EPHB2: variants seen among roughly 807,000 people sequenced by gnomAD.
EPHB2 encodes the protein EPH receptor B2, also known as ephrin type-B receptor 2.
A neutral mutation model predicts 96.4 loss-of-function variants in EPHB2; 18 were observed. That is an observed-to-expected ratio of 0.19 (90% confidence interval 0.13 to 0.28). EPHB2 has a LOEUF of 0.28. EPHB2 is among the 10% of genes least tolerant of loss of function. EPHB2 has a pLI of 1.00. For missense variants in EPHB2, 989 were observed against 1,355.4 expected (o/e 0.73, Z 4.25); for synonymous variants, 506 against 534.1 (o/e 0.95, Z 0.72).
rs1296823971 is a variant in EPHB2, at chr1:22,858,918, G to A, written c.812-4119G>A. On this transcript the variant is annotated intron_variant, in intron 3 of 15. Transcript: ENST00000374630. The surrounding 1 kb of genome is among the most constrained non-coding windows in gnomAD (Gnocchi z 7.7). The stretch of plus-strand genomic sequence containing the variant: ...CCACTAGAAACCCAGCATTATACTG[G>A]GAGTTTACAGTCCAGCCAGGTAGAC... Among the ~76,000 whole-genome samples the A allele has an allele frequency of 6.6e-6, 1 of 152,114 alleles. No homozygotes were observed. Among genetic ancestry groups the A allele is most frequent in the Non-Finnish European group, 1.5e-5 (1 of 68,026 alleles).
intron 3 of EPHB2, among the ~76,000 whole-genome samples, chr1:22,861,627 C>T (rs1416572300): frequency 6.6e-6 from 1 of 152,110 alleles, no homozygotes; most frequent in Non-Finnish European, 1.5e-5. Context: ...AGGAGACCCC[C>T]AGAAAAATAA....
At chr1:22,893,139 A>T (rs1406821244) in intron 7 of EPHB2, 93 bp downstream of exon 7, 5 of 1,596,708 alleles carry the variant, frequency 3.1e-6, no homozygotes, top group Non-Finnish European at 4.3e-6. Flanking sequence ...CTTTGTGCAG[A>T]TTAGAAAAGG....
intron 1 of EPHB2, among the ~76,000 whole-genome samples, chr1:22,748,642 A>T (rs1325321074): frequency 6.6e-6 from 1 of 151,668 alleles, no homozygotes; most frequent in African/African-American, 2.4e-5. Flanking sequence ...GGCCTCCCAA[A>T]GTGCTGAGAT....
rs1051246736 is a variant in EPHB2 at position 22,832,103 on chromosome 1, C to T, written c.812-30934C>T. Among the ~76,000 whole-genome samples, 58 of 152,074 alleles carry T rather than the reference C, an allele frequency of 3.8e-4. 1 individual carries two copies. Among genetic ancestry groups the T allele is most frequent in the Middle Eastern group, 3.2e-3 (1 of 316 alleles). On this transcript the variant is annotated intron_variant, in intron 3 of 15. Transcript: ENST00000374630. ...CTGTTTGAGCGGGGAATAGGGAGAG[C>T]GATGGAGAGCCAGAAAGTAGGGACA... is the stretch of plus-strand genomic sequence containing the variant.
At chr1:22,723,113 C>T (rs1570152505) in intron 1 of EPHB2, among the ~76,000 whole-genome samples, 1 of 152,242 alleles carries the variant, frequency 6.6e-6, no homozygotes. Context: ...CATATGTCCA[C>T]GGCACCAACT....
chr1:22,751,576 T>G (rs548400066), intron 1 of EPHB2, among the ~76,000 whole-genome samples: 1 of 152,328 alleles, frequency 6.6e-6, no homozygotes, highest in Non-Finnish European at 1.5e-5. Context: ...CCTTTACGCC[T>G]TTCCAGAAGC....
intron 3 of EPHB2, among the ~76,000 whole-genome samples, chr1:22,805,650 T>C (rs1413060281): frequency 6.6e-6 from 1 of 151,326 alleles, no homozygotes; most frequent in African/African-American, 2.4e-5. Context: ...AAGGAGCGGG[T>C]GGGGGTGCAA....
chr1:22,724,078 C>A (rs1377415690), intron 1 of EPHB2, among the ~76,000 whole-genome samples: 2 of 152,178 alleles, frequency 1.3e-5, no homozygotes, highest in Non-Finnish European at 2.9e-5. Context: ...GGAGAAAGAG[C>A]TGATTTCTTT....
At chr1:22,832,921 C>T (rs552830909) in intron 3 of EPHB2, among the ~76,000 whole-genome samples, 100 of 152,226 alleles carry the variant, frequency 6.6e-4, no homozygotes, top group African/African-American at 2.2e-3. Flanking sequence ...CAGCCATGCA[C>T]ATGTGGCTTA....
Position 22,807,342 on chromosome 1 carries a change from A to G in EPHB2, c.811+22266A>G, listed in dbSNP as rs1166803922. Among the ~76,000 whole-genome samples, 26 of 152,218 alleles carry G rather than the reference A, an allele frequency of 1.7e-4. 1 individual carries two copies. The highest frequency in any genetic ancestry group is 1.7e-3 in the Admixed American group (26 of 15,288). On this transcript the variant is annotated intron_variant, in intron 3 of 15. Transcript: ENST00000374630. ...AGGGCGCTTGCTAGACTCTGGCTCT[A>G]CACACCATCATTCTGAAATATCCCC...
intron 3 of EPHB2, among the ~76,000 whole-genome samples, chr1:22,850,147 G>A (rs1359159805): frequency 6.6e-6 from 1 of 152,196 alleles, no homozygotes; most frequent in Admixed American, 6.5e-5. Context: ...CCCATAGAAG[G>A]GGAAGTGCTA....
chr1:22,800,770 TGA>T (rs1491147701), intron 3 of EPHB2, among the ~76,000 whole-genome samples: 8 of 97,572 alleles, frequency 8.2e-5, no homozygotes, highest in Non-Finnish European at 1.3e-4. Flanking sequence ...CGTGTGTATG[TGA>T]CACACACACA....
At position 22,875,317 on chromosome 1, in the gene EPHB2, C is replaced by A. The variant is rs1457215530; in HGVS notation, c.1304-7042C>A. On this transcript the variant is annotated intron_variant, in intron 5 of 15. Transcript: ENST00000374630. This position sits in a 1 kb window ranked among gnomAD's most constrained non-coding sequence, Gnocchi z 4.2. Reference sequence around the variant, plus strand: ...GAGCTGGGAATTCTAAGAGTCCCGTCCCAAGTAAACTGTCCCTGCTACAGA... The same window carrying A: ...GAGCTGGGAATTCTAAGAGTCCCGTACCAAGTAAACTGTCCCTGCTACAGA... Among the ~76,000 whole-genome samples, 1 of 152,202 alleles carries A rather than the reference C, an allele frequency of 6.6e-6. No homozygotes were observed. Among genetic ancestry groups the A allele is most frequent in the East Asian group, 1.9e-4 (1 of 5,202 alleles).
At chr1:22,815,284 GGAGGCTGGGTTT>G (rs1166537277) in intron 3 of EPHB2, among the ~76,000 whole-genome samples, 2 of 152,204 alleles carry the variant, frequency 1.3e-5, no homozygotes, top group African/African-American at 4.8e-5. Flanking sequence ...GGGGGGTACA[GGAGGCTGGGTTT>G]GAGTCCCAAA....
intron 3 of EPHB2, among the ~76,000 whole-genome samples, chr1:22,855,340 G>A (rs1226486578): frequency 2.6e-5 from 4 of 152,278 alleles, no homozygotes; most frequent in African/African-American, 4.8e-5. Flanking sequence ...GCAGGAAAGC[G>A]AGCTGGCTGC....
chr1:22,851,640 GC>G (rs1645627036), intron 3 of EPHB2, among the ~76,000 whole-genome samples: 1 of 151,840 alleles, frequency 6.6e-6, no homozygotes, highest in Non-Finnish European at 1.5e-5. Flanking sequence ...AAGGAACTTA[GC>G]CCAGAAGATC....
intron 3 of EPHB2, among the ~76,000 whole-genome samples, chr1:22,834,610 A>G (rs950815825): frequency 6.6e-6 from 1 of 152,076 alleles, no homozygotes; most frequent in African/African-American, 2.4e-5. Context: ...CTGTGTGCCA[A>G]TAAAACTTTA....
intron 3 of EPHB2, among the ~76,000 whole-genome samples, chr1:22,815,059 AGGTGCTTGTGGATGCCAAGG>A (rs1337187297): frequency 6.6e-6 from 1 of 152,118 alleles, no homozygotes; most frequent in Non-Finnish European, 1.5e-5. Flanking sequence ...CTTTCCTGAG[AGGTGCTTGTGGATGCCAAGG>A]GGTGAGGGTT....
intron 3 of EPHB2, among the ~76,000 whole-genome samples, chr1:22,847,922 C>G (rs961860763): frequency 6.6e-6 from 1 of 152,140 alleles, no homozygotes; most frequent in African/African-American, 2.4e-5. Flanking sequence ...TCAAGTGGCT[C>G]CTGTTCTGGA....
Sources: allele counts gnomAD v4.1 joint callset (sites outside exome capture counted in the v4.1 genomes callset), GRCh38; gene constraint gnomAD v4.1.1; non-coding constraint Gnocchi (gnomAD v3.1); transcripts MANE v1.5; gene names NCBI Gene and HGNC (gene_info 2026-07-23, HGNC 2026-07-21).